TMEM51: variants seen among roughly 807,000 people sequenced by gnomAD.
The protein encoded by TMEM51 is transmembrane protein 51.
Under a neutral mutation model 13.6 loss-of-function variants are expected in TMEM51, and 8 were observed. The observed-to-expected ratio is 0.59, with a 90% CI of 0.35 to 1.07. The LOEUF (loss-of-function observed/expected upper bound fraction) is 1.07, where lower values mean the gene tolerates loss of function less well. Among genes scored for constraint, TMEM51 ranks in the 50% least tolerant of loss-of-function variants. The pLI is 0.02. For missense variants in TMEM51, 279 were observed against 330.7 expected (o/e 0.84, Z 1.21); for synonymous variants, 147 against 144.4 (o/e 1.02, Z -0.13).
chr1:15,181,839 C>T (rs542957855), intron 1 of TMEM51, among the ~76,000 whole-genome samples: 4 of 152,296 alleles, frequency 2.6e-5, no homozygotes, highest in Admixed American at 6.5e-5. Flanking sequence ...CTGCATGAAA[C>T]TCCACGAGGG....
At chr1:15,209,226 C>T (rs1235377469) in intron 1 of TMEM51, among the ~76,000 whole-genome samples, 1 of 136,104 alleles carries the variant, frequency 7.3e-6, no homozygotes, top group Non-Finnish European at 1.6e-5. Flanking sequence ...GTGAGCCACA[C>T]ACTGGGCTCA....
At chr1:15,160,629 G>GA (rs746224466) in intron 1 of TMEM51, among the ~76,000 whole-genome samples, 1 of 152,030 alleles carries the variant, frequency 6.6e-6, no homozygotes, top group Non-Finnish European at 1.5e-5. Context: ...GTTACCATAA[G>GA]AGGCCTCACA....
At chr1:15,218,449 G>A (rs945559479) in intron 3 of TMEM51, among the ~76,000 whole-genome samples, 1 of 152,212 alleles carries the variant, frequency 6.6e-6, no homozygotes. Flanking sequence ...TGGAGTAGTT[G>A]AGAGTACAGT....
chr1:15,215,529 C>A, intron 3 of TMEM51, 98 bp downstream of exon 3: 1 of 1,140,824 alleles, frequency 8.8e-7, no homozygotes, highest in Non-Finnish European at 1.2e-6. Context: ...AGACTGTCAT[C>A]TACAGGCTTT....
At chr1:15,169,062 G>T (rs1643140471) in intron 1 of TMEM51, among the ~76,000 whole-genome samples, 1 of 152,194 alleles carries the variant, frequency 6.6e-6, no homozygotes, top group Non-Finnish European at 1.5e-5. Context: ...TATTGGGTGG[G>T]AAGGTGGGGT....
chr1:15,199,480 G>T (rs1018546002), intron 1 of TMEM51, among the ~76,000 whole-genome samples: 2 of 152,166 alleles, frequency 1.3e-5, no homozygotes, highest in African/African-American at 4.8e-5. Context: ...GGTTGTGAGG[G>T]TGGGCTAGCC....
chr1:15,162,080 G>C (rs1642800635), intron 1 of TMEM51, among the ~76,000 whole-genome samples: 2 of 152,002 alleles, frequency 1.3e-5, no homozygotes, highest in Non-Finnish European at 2.9e-5. Flanking sequence ...TTAACAACCA[G>C]ATCTTTGGGC....
At chr1:15,175,170 T>G (rs4661589) in intron 1 of TMEM51, among the ~76,000 whole-genome samples, 1 of 151,974 alleles carries the variant, frequency 6.6e-6, no homozygotes, top group Non-Finnish European at 1.5e-5. Context: ...GAGGCCGAGG[T>G]GGGTGGATTA....
chr1:15,194,917 CTTTTTTTTTTTT>C (rs34885407), intron 1 of TMEM51, among the ~76,000 whole-genome samples: 1 of 93,484 alleles, frequency 1.1e-5, no homozygotes, highest in South Asian at 4.0e-4. Context: ...TATAATTTTA[CTTTTTTTTTTTT>C]TTTTTTTTTT....
intron 1 of TMEM51, among the ~76,000 whole-genome samples, chr1:15,203,280 G>A (rs1436284457): frequency 6.6e-6 from 1 of 152,070 alleles, no homozygotes; most frequent in Non-Finnish European, 1.5e-5. Flanking sequence ...TTGAGACAGA[G>A]TCTCGCTCTG....
At chr1:15,172,343 C>A (rs1643305792) in intron 1 of TMEM51, among the ~76,000 whole-genome samples, 1 of 145,110 alleles carries the variant, frequency 6.9e-6, no homozygotes, top group Non-Finnish European at 1.5e-5. Flanking sequence ...AAGATTGTGC[C>A]ACTGCACCCC....
At chr1:15,154,233 G>A (rs1642507456) in intron 1 of TMEM51, among the ~76,000 whole-genome samples, 1 of 152,206 alleles carries the variant, frequency 6.6e-6, no homozygotes. Flanking sequence ...GCCCCCTGTT[G>A]GCGGGAACAG....
chr1:15,199,347 T>C (rs1273151039), intron 1 of TMEM51, among the ~76,000 whole-genome samples: 1 of 152,132 alleles, frequency 6.6e-6, no homozygotes, highest in Non-Finnish European at 1.5e-5. Context: ...TTGGCCAGGC[T>C]GGTCTCAAAC....
chr1:15,181,163 G>T lies in TMEM51; in HGVS notation c.-267+27209G>T, dbSNP rs141396371. Among the ~76,000 whole-genome samples, 4 of 152,310 alleles carry T rather than the reference G, an allele frequency of 2.6e-5. No homozygotes were observed. The East Asian group carries it at 7.7e-4, about 29-fold the overall frequency. On this transcript the variant is annotated intron_variant, in intron 1 of 3. Coordinates refer to ENST00000376008, the MANE Select transcript of TMEM51 (RefSeq NM_001136218.2). ...CAGTTTCTTCATCTTTAAAATGGGAGTGCTAATACCAGCCTTAACAAGCTA... is the reference window on the plus strand; with the variant it reads ...CAGTTTCTTCATCTTTAAAATGGGATTGCTAATACCAGCCTTAACAAGCTA...
intron 1 of TMEM51, among the ~76,000 whole-genome samples, chr1:15,154,785 C>T (rs1462661380): frequency 6.6e-6 from 1 of 152,138 alleles, no homozygotes; most frequent in Non-Finnish European, 1.5e-5. Flanking sequence ...CGTGGGGTGT[C>T]CTGCGCAGCG....
rs549663935 is a variant in TMEM51 at position 15,211,384 on chromosome 1, CT to C, written c.-194+823del. ...CCCTGTCCCCAAGAAACAATTTTTGCTCCTTGTGGGTGATCTTACCCCATTG... is the reference window on the plus strand; with the variant it reads ...CCCTGTCCCCAAGAAACAATTTTTGCCCTTGTGGGTGATCTTACCCCATTG... On this transcript the variant is annotated intron_variant, in intron 2 of 3. Transcript: ENST00000376008. 7.2e-4 allele frequency among the ~76,000 whole-genome samples: 109 copies of C among 152,278 alleles called. 1 individual carries two copies. The highest frequency in any genetic ancestry group is 4.1e-4 in the South Asian group (2 of 4,828).
At chr1:15,159,999 C>T (rs1182483078) in intron 1 of TMEM51, among the ~76,000 whole-genome samples, 1 of 152,106 alleles carries the variant, frequency 6.6e-6, no homozygotes, top group Non-Finnish European at 1.5e-5. Flanking sequence ...TTTTTAAGAT[C>T]GTGGACTCAC....
intron 1 of TMEM51, chr1:15,192,459 T>TTTTTTTTTTTTTTTTTATGA (rs1643945607): frequency 5.0e-6 from 1 of 199,262 alleles, no homozygotes; most frequent in Admixed American, 8.3e-5. Flanking sequence ...TCTTTTCTTT[T>TTTTTTTTTTTTTTTTTATGA]CCTTTTTTTT....
chr1:15,176,534 G>A (rs1643461785), intron 1 of TMEM51, among the ~76,000 whole-genome samples: 1 of 152,214 alleles, frequency 6.6e-6, no homozygotes, highest in Non-Finnish European at 1.5e-5. Context: ...AGGAGAGAAA[G>A]GCAAGACACA....
Sources: gnomAD v4.1 joint callset for allele counts (sites outside exome capture counted in the v4.1 genomes callset) on GRCh38, gnomAD v4.1.1 for gene constraint, MANE v1.5 for transcripts, NCBI Gene and HGNC (gene_info 2026-07-23, HGNC 2026-07-21) for gene names.